The following CFAP52 variants were observed in gnomAD, a reference collection of about 807,000 sequenced individuals.
CFAP52 encodes cilia- and flagella-associated protein 52.
Under a neutral mutation model 70.5 loss-of-function variants are expected in CFAP52, and 57 were observed. The ratio of observed to expected loss-of-function variants is 0.81; its 90% CI spans 0.65 to 1.01. The LOEUF (loss-of-function observed/expected upper bound fraction) is 1.01, where lower values mean the gene tolerates loss of function less well. Among genes scored for constraint, CFAP52 ranks in the 50% least tolerant of loss-of-function variants. The pLI, the probability that CFAP52 is intolerant of heterozygous loss-of-function variation, is 0.00. For missense variants in CFAP52, 785 were observed against 788.5 expected (o/e 1.00, Z 0.05); for synonymous variants, 267 against 292.5 (o/e 0.91, Z 0.89).
chr17:9,587,276 GCATTTGGGTTGATTC>G (rs1908540337), intron 3 of CFAP52, among the ~76,000 whole-genome samples: 1 of 152,172 alleles, frequency 6.6e-6, no homozygotes, highest in Non-Finnish European at 1.5e-5. Context: ...CCATTGATGA[GCATTTGGGTTGATTC>G]CATGTCTTTG....
rs530627816 is a variant in CFAP52 at position 9,602,628 on chromosome 17, C to T, written c.753+2445C>T. Among the ~76,000 whole-genome samples, 11 of 152,254 alleles carry T rather than the reference C, an allele frequency of 7.2e-5. No individual in the cohort carries two copies. In the East Asian group the frequency reaches 7.7e-4, roughly 11 times the overall value. Reference sequence around the variant, plus strand: ...TGATTTATAATCCTTTGAGTATATACGCAGTAATGGGATTGCTGGGTCAAA... The same window carrying T: ...TGATTTATAATCCTTTGAGTATATATGCAGTAATGGGATTGCTGGGTCAAA... On this transcript the variant is annotated intron_variant, in intron 6 of 13. Coordinates refer to ENST00000352665, the MANE Select transcript of CFAP52 (RefSeq NM_145054.5).
chr17:9,597,326 T>C (rs1240117713), intron 4 of CFAP52, among the ~76,000 whole-genome samples: 1 of 152,080 alleles, frequency 6.6e-6, no homozygotes, highest in Non-Finnish European at 1.5e-5. Flanking sequence ...TGAGTATAGT[T>C]CGTAATATAT....
chr17:9,627,673 TTTTG>T (rs1339503854), intron 8 of CFAP52, among the ~76,000 whole-genome samples: 10 of 152,220 alleles, frequency 6.6e-5, no homozygotes, highest in Non-Finnish European at 1.3e-4. Context: ...ATGTTCAGCT[TTTTG>T]TTTGTCAATC....
intron 6 of CFAP52, among the ~76,000 whole-genome samples, chr17:9,603,613 C>G (rs528606180): frequency 1.3e-5 from 2 of 152,286 alleles, no homozygotes; most frequent in Admixed American, 6.5e-5. Flanking sequence ...ATAAACATCC[C>G]AGCAAGTTAT....
At chr17:9,638,550 G>C in intron 11 of CFAP52, 59 bp from the exon 12 acceptor site, 3 of 1,540,936 alleles carry the variant, frequency 1.9e-6, no homozygotes, top group South Asian at 2.3e-5. Flanking sequence ...CTTGAATAGT[G>C]AATAAATTTC....
Position 9,586,716 on chromosome 17 carries a change from G to A in CFAP52, c.289G>A (p.Asp97Asn). 6.2e-7 allele frequency: 1 copy of A among 1,612,072 alleles called. No individual in the cohort carries two copies. The highest frequency in any genetic ancestry group is 8.5e-7 in the Non-Finnish European group (1 of 1,179,426). The change falls in exon 3 of 14, where the codon GAT becomes AAT. Residue 97 changes from aspartate to asparagine, a missense_variant. Transcript: ENST00000352665. ...CCCCCAGGCAGACATCATTTTGTGG[G>A]ATTATAAGAACAGAGAGCTGCTTGC... The part of the protein sequence containing the change: ...MGFKADIILW[D>N]YKNRELLARL...
At chr17:9,628,574 GC>G (rs1334213711) in intron 8 of CFAP52, 97 bp from the exon 9 acceptor site, 8 of 1,494,986 alleles carry the variant, frequency 5.4e-6, no homozygotes, top group Non-Finnish European at 6.3e-6. Flanking sequence ...ACCGCGCCCA[GC>G]CTTTTCCTAT....
intron 7 of CFAP52, among the ~76,000 whole-genome samples, chr17:9,611,609 C>T (rs1215214173): frequency 1.3e-5 from 2 of 152,144 alleles, no homozygotes; most frequent in East Asian, 3.9e-4. Context: ...AAGTGGTCCT[C>T]CTTGCCTAGG....
chr17:9,585,978 T>C lies in CFAP52; in HGVS notation c.270+6T>C, dbSNP rs1908453523. The C allele has an allele frequency of 6.2e-7, 1 of 1,613,406 alleles. No individual in the cohort carries two copies. The highest frequency in any genetic ancestry group is 8.5e-7 in the Non-Finnish European group (1 of 1,179,722). ...TCACATTCATGGGGTTCAAGGTGAA[T>C]ACAGTGAAAACGACTCATTGTCAAT... On this transcript the variant is annotated splice_donor_region_variant and intron_variant, in intron 2 of 13. Coordinates refer to ENST00000352665, the MANE Select transcript of CFAP52 (RefSeq NM_145054.5).
In CFAP52 at chr17:9,643,050, G is replaced by T. The variant is rs1315617200; in HGVS notation, c.1715G>T (p.Trp572Leu). The T allele has an allele frequency of 6.2e-7, 1 of 1,607,856 alleles. No individual in the cohort carries two copies. Among genetic ancestry groups the T allele is most frequent in the Admixed American group, 1.7e-5 (1 of 58,960 alleles). The part of the protein sequence containing the change: ...TGGNDHLVKV[W>L]DYNEGEVTHV... ...GGAAATGACCATCTGGTCAAAGTTT[G>T]GGATTATAATGAGGGTGAAGTGACT... is the stretch of plus-strand genomic sequence containing the variant. Residue 572 changes from tryptophan to leucine, a missense_variant, in exon 14 of 14, where the codon TGG becomes TTG. Coordinates refer to ENST00000352665, the MANE Select transcript of CFAP52 (RefSeq NM_145054.5).
chr17:9,640,896 G>T (rs1053549849), intron 12 of CFAP52, among the ~76,000 whole-genome samples: 1 of 152,074 alleles, frequency 6.6e-6, no homozygotes, highest in Non-Finnish European at 1.5e-5. Flanking sequence ...GGCCCAACTC[G>T]GCTTCCCAAA....
intron 3 of CFAP52, among the ~76,000 whole-genome samples, chr17:9,590,849 T>C (rs1908714242): frequency 6.6e-6 from 1 of 151,928 alleles, no homozygotes; most frequent in African/African-American, 2.4e-5. Context: ...AATATGCCCA[T>C]CCCTGGATAG....
chr17:9,596,345 C>A (rs997772308), intron 4 of CFAP52, among the ~76,000 whole-genome samples: 2 of 151,850 alleles, frequency 1.3e-5, no homozygotes, highest in African/African-American at 4.8e-5. Context: ...AGGCAATCCA[C>A]CTGCCTCGGC....
chr17:9,600,213 C>A (rs1255122184), intron 6 of CFAP52, 30 bp downstream of exon 6: 2 of 1,567,688 alleles, frequency 1.3e-6, no homozygotes, highest in Non-Finnish European at 1.8e-6. Context: ...ACTGCCCTGC[C>A]ATTTTTCTCC....
At chr17:9,615,923 A>G (rs149344663) in intron 8 of CFAP52, among the ~76,000 whole-genome samples, 232 of 149,142 alleles carry the variant, frequency 1.6e-3, no homozygotes, top group African/African-American at 5.1e-3. Context: ...CTCAGATTAT[A>G]GGCATGAGCC....
At chr17:9,602,598 T>C (rs1315795699) in intron 6 of CFAP52, among the ~76,000 whole-genome samples, 1 of 152,188 alleles carries the variant, frequency 6.6e-6, no homozygotes, top group Non-Finnish European at 1.5e-5. Context: ...CATGTGCATG[T>C]AGAATGATTT....
At chr17:9,626,505 C>T (rs949886249) in intron 8 of CFAP52, among the ~76,000 whole-genome samples, 7 of 152,222 alleles carry the variant, frequency 4.6e-5, no homozygotes, top group Non-Finnish European at 1.0e-4. Flanking sequence ...ACTGGGATTA[C>T]AGGCATGAGC....
At position 9,643,259 on chromosome 17, in the gene CFAP52, G is replaced by A. The variant is rs1307580779; in HGVS notation, c.*61G>A. On this transcript the variant is annotated 3_prime_UTR_variant, in exon 14 of 14. Coordinates refer to ENST00000352665, the MANE Select transcript of CFAP52 (RefSeq NM_145054.5). The stretch of plus-strand genomic sequence containing the variant: ...GCAGTCCTGTTGAAGACTGAGTTTA[G>A]ATAACTCCAACACTAGTCTTCATTT... 3.7e-5 allele frequency: 51 copies of A among 1,391,008 alleles called. No individual in the cohort carries two copies. The highest frequency in any genetic ancestry group is 4.6e-5 in the Non-Finnish European group (49 of 1,054,162). 86.2% of individuals were successfully genotyped at this position (1,391,008 alleles called of 1,614,324 possible).
At chr17:9,579,756 C>G (rs1044360088) in intron 1 of CFAP52, among the ~76,000 whole-genome samples, 1 of 152,204 alleles carries the variant, frequency 6.6e-6, no homozygotes, top group African/African-American at 2.4e-5. Flanking sequence ...TTAATAGACA[C>G]GGTGTTTCGC....
Sources: allele counts gnomAD v4.1 joint callset (sites outside exome capture counted in the v4.1 genomes callset), GRCh38; gene constraint gnomAD v4.1.1; transcripts MANE v1.5; gene names NCBI Gene and HGNC (gene_info 2026-07-23, HGNC 2026-07-21).